MBNL3: variants seen among roughly 807,000 people sequenced by gnomAD.
The protein encoded by MBNL3 is muscleblind-like protein 3.
MBNL3 carries 6 observed loss-of-function variants against 24.5 expected under a neutral mutation model. That is an observed-to-expected ratio of 0.25 (90% confidence interval 0.13 to 0.48). The LOEUF is 0.48. Among genes scored for constraint, MBNL3 ranks in the 20% least tolerant of loss-of-function variants. The pLI, the probability that MBNL3 is intolerant of heterozygous loss-of-function variation, is 0.99. For synonymous variants in MBNL3, 100 were observed against 101.7 expected (o/e 0.98, Z 0.10); for missense variants, 230 against 293.5 (o/e 0.78, Z 1.58).
intron 1 of MBNL3, among the ~76,000 whole-genome samples, chrX:132,462,341 T>G (rs1411136522): frequency 8.9e-6 from 1 of 112,545 alleles, no homozygotes; most frequent in Non-Finnish European, 1.9e-5. Context: ...TCTATTTTTT[T>G]GAATGGGAAG....
intron 1 of MBNL3, among the ~76,000 whole-genome samples, chrX:132,445,755 C>T (rs2148457573): frequency 9.0e-6 from 1 of 111,359 alleles, no homozygotes; most frequent in African/African-American, 3.3e-5. Flanking sequence ...TTAAATAGTA[C>T]AAGAACTTGC....
chrX:132,392,823 C>T (rs368911765), intron 3 of MBNL3, among the ~76,000 whole-genome samples: 1 of 111,311 alleles, frequency 9.0e-6, no homozygotes, highest in Non-Finnish European at 1.9e-5. Context: ...CTACCAAATA[C>T]TGGCTGTGCT....
At chrX:132,413,350 G>T in intron 2 of MBNL3, 1 of 467,595 alleles carries the variant, frequency 2.1e-6, no homozygotes, top group Non-Finnish European at 3.5e-6. Context: ...GATAAACAGT[G>T]AAAAAAAATT....
rs750411993 is a variant in MBNL3 at position 132,482,186 on chromosome X, ATTTAG to A, written c.-704+6660_-704+6664del. On this transcript the variant is annotated intron_variant, in intron 1 of 8. Transcript: ENST00000370853. ...GCACCGTTGGGTGATGATAATAACA[ATTTAG>A]TTTATGTTTTCAAATAGCTAGAAGA... 2.0e-4 allele frequency among the ~76,000 whole-genome samples: 22 copies of A among 112,210 alleles called. No homozygotes were observed. In the South Asian group the frequency reaches 8.2e-3, roughly 42 times the overall value.
intron 2 of MBNL3, among the ~76,000 whole-genome samples, chrX:132,436,622 G>A (rs1324008878): frequency 2.7e-5 from 3 of 111,875 alleles, no homozygotes; most frequent in Non-Finnish European, 1.9e-5. Flanking sequence ...TAAAAACTCA[G>A]GAGAAGTAGG....
In MBNL3 at chrX:132,373,922, C is replaced by T. The variant is rs1933869171; in HGVS notation, c.*5744G>A. 1 of 111,577 alleles carries T rather than the reference C, an allele frequency of 9.0e-6. No individual in the cohort carries two copies. The highest frequency in any genetic ancestry group is 3.3e-5 in the African/African-American group (1 of 30,740). 9.2% of individuals were successfully genotyped at this position (111,577 alleles called of 1,213,427 possible). On this transcript the variant is annotated 3_prime_UTR_variant, in exon 9 of 9. Coordinates refer to ENST00000370853, the MANE Select transcript of MBNL3 (RefSeq NM_001386889.1). ...AGGTCAAAAAACAGCTTCCACTGAA[C>T]AGGTATAATGTAAATGAAGCCAGTT...
At chrX:132,419,913 T>C (rs1421063737) in intron 2 of MBNL3, among the ~76,000 whole-genome samples, 1 of 112,281 alleles carries the variant, frequency 8.9e-6, no homozygotes, top group Non-Finnish European at 1.9e-5. Context: ...CTGTGATTTA[T>C]CATTAGGTTT....
At chrX:132,400,140 T>TGCA (rs774037529) in intron 3 of MBNL3, among the ~76,000 whole-genome samples, 1 of 111,626 alleles carries the variant, frequency 9.0e-6, no homozygotes, top group East Asian at 2.8e-4. Context: ...AGTTAATGGG[T>TGCA]GCAGCACACC....
chrX:132,428,514 TA>T (rs56677705), intron 2 of MBNL3, among the ~76,000 whole-genome samples: 2,962 of 94,518 alleles, frequency 0.031, 79 homozygotes, highest in African/African-American at 0.082. Flanking sequence ...CATCAAAAAT[TA>T]AAAAAAAAAA....
chrX:132,382,111 C>T (rs1935084018), intron 8 of MBNL3, 67 bp downstream of exon 8: 1 of 964,469 alleles, frequency 1.0e-6, no homozygotes, highest in Admixed American at 2.3e-5. Context: ...ATCCAAAAAG[C>T]ATATACTGTG....
intron 2 of MBNL3, among the ~76,000 whole-genome samples, chrX:132,416,721 T>C (rs1021718962): frequency 8.9e-6 from 1 of 111,992 alleles, no homozygotes; most frequent in Non-Finnish European, 1.9e-5. Context: ...ACAACTGTTA[T>C]GTTCCCATAA....
intron 3 of MBNL3, among the ~76,000 whole-genome samples, chrX:132,392,810 G>T (rs925539673): frequency 9.0e-6 from 1 of 111,029 alleles, no homozygotes; most frequent in Non-Finnish European, 1.9e-5. Context: ...GGCCCCACCT[G>T]TACTACCAAA....
intron 3 of MBNL3, among the ~76,000 whole-genome samples, chrX:132,401,913 G>T (rs1187442652): frequency 9.0e-5 from 10 of 111,259 alleles, no homozygotes; most frequent in African/African-American, 3.3e-4. Flanking sequence ...ATATAAGCCT[G>T]TTTATGAGAA....
intron 1 of MBNL3, among the ~76,000 whole-genome samples, chrX:132,454,027 G>A (rs771927214): frequency 8.9e-6 from 1 of 112,094 alleles, no homozygotes; most frequent in South Asian, 3.8e-4. Flanking sequence ...GGGAGGCAGA[G>A]GTTGCAGTGA....
chrX:132,464,640 A>T (rs945529779), intron 1 of MBNL3, among the ~76,000 whole-genome samples: 4 of 112,322 alleles, frequency 3.6e-5, no homozygotes, highest in African/African-American at 1.3e-4. Flanking sequence ...ATTAGTGGTA[A>T]GTGGAATGGT....
chrX:132,459,155 G>A (rs924623749), intron 1 of MBNL3, among the ~76,000 whole-genome samples: 1 of 104,335 alleles, frequency 9.6e-6, no homozygotes, highest in Non-Finnish European at 2.0e-5. Context: ...AATAATAAAG[G>A]TAGTGTGCAC....
At position 132,473,661 on chromosome X, in the gene MBNL3, A is replaced by G. The variant is rs187940672; in HGVS notation, c.-704+15190T>C. Among the ~76,000 whole-genome samples, 10 of 111,441 alleles carry G rather than the reference A, an allele frequency of 9.0e-5. No individual in the cohort carries two copies. The East Asian group carries it at 2.2e-3, about 25-fold the overall frequency. The stretch of plus-strand genomic sequence containing the variant: ...AAAACCCATATGTATACATATGTTT[A>G]TATATATTTTTAGGAATGTAGCCTT... On this transcript the variant is annotated intron_variant, in intron 1 of 8. Transcript: ENST00000370853.
rs779206358 is a variant in MBNL3 at position 132,452,503 on chromosome X, G to A, written c.-703-12189C>T. 4.4e-5 allele frequency among the ~76,000 whole-genome samples: 5 copies of A among 112,624 alleles called. No homozygotes were observed. The East Asian group carries it at 1.4e-3, about 31-fold the overall frequency. On this transcript the variant is annotated intron_variant, in intron 1 of 8. Transcript: ENST00000370853. ...CCCAGGCCCTTATCTAGGTCCTGGG[G>A]AAACAAAGGTGAACAACACAAAAGC...
At chrX:132,462,530 T>A (rs1176667170) in intron 1 of MBNL3, among the ~76,000 whole-genome samples, 1 of 111,938 alleles carries the variant, frequency 8.9e-6, no homozygotes, top group Admixed American at 9.5e-5. Context: ...TAAGTTAGAA[T>A]GAGTGACAAG....
Sources: gnomAD v4.1 joint callset for allele counts (sites outside exome capture counted in the v4.1 genomes callset) on GRCh38, gnomAD v4.1.1 for gene constraint, MANE v1.5 for transcripts, NCBI Gene and HGNC (gene_info 2026-07-23, HGNC 2026-07-21) for gene names.